R3HDM2: variants seen among roughly 807,000 people sequenced by gnomAD.
The protein encoded by R3HDM2 is R3H domain containing 2.
R3HDM2 carries 38 observed loss-of-function variants against 124.5 expected under a neutral mutation model. The observed-to-expected ratio is 0.31, with a 90% confidence interval of 0.24 to 0.40. The LOEUF (loss-of-function observed/expected upper bound fraction) is 0.40. R3HDM2 is among the 10% of genes least tolerant of loss of function. The probability of loss-of-function intolerance (pLI) is 1.00; values close to 1 mark genes in which losing one functional copy is unlikely to be tolerated. For missense variants in R3HDM2, 869 were observed against 1,236.9 expected (o/e 0.70, Z 4.46); for synonymous variants, 391 against 448.0 (o/e 0.87, Z 1.61).
In R3HDM2 at chr12:57,423,965, T is replaced by G. The variant is rs1424138788; in HGVS notation, c.-106+6755A>C. On this transcript the variant is annotated intron_variant, in intron 1 of 23. Transcript: ENST00000402412. ...ACCCATCTCTACTAAAAATACAAAA[T>G]TAGCCAGGTGTGGTGGCACATGCCT... is the stretch of plus-strand genomic sequence containing the variant. Among the ~76,000 whole-genome samples the G allele has an allele frequency of 5.4e-5, 8 of 148,208 alleles. 1 individual carries two copies. The Admixed American group carries it at 5.4e-4, about 10-fold the overall frequency.
chr12:57,256,423 C>A lies in R3HDM2; in HGVS notation c.2538G>T (p.Thr846=). The part of the protein sequence containing the change: ...PPLLHGQSTY[T]VHQGQSGLKH... ...TGGTGGACACCCTTACCTGGTGCAC[C>A]GTGTAAGTTGACTGGCCATGGAGCA... is the stretch of plus-strand genomic sequence containing the variant. Residue 846 remains threonine, a synonymous_variant, in exon 22 of 24, where the codon ACG becomes ACT. Transcript: ENST00000402412. The A allele has an allele frequency of 6.3e-7, 1 of 1,585,804 alleles. No homozygotes were observed. The highest frequency in any genetic ancestry group is 2.3e-5 in the East Asian group (1 of 43,718).
At chr12:57,386,473 C>T (rs189254071) in intron 2 of R3HDM2, among the ~76,000 whole-genome samples, 2 of 152,208 alleles carry the variant, frequency 1.3e-5, no homozygotes, top group South Asian at 2.1e-4. Flanking sequence ...CTGCTGTGCT[C>T]GACTTCTTGC....
rs1320688207 is a variant in R3HDM2 at position 57,265,055 on chromosome 12, C to CCTTTCACTGTTA, written c.2131+1675_2131+1676insTAACAGTGAAAG. 2.6e-4 allele frequency among the ~76,000 whole-genome samples: 40 copies of CCTTTCACTGTTA among 152,292 alleles called. 1 individual carries two copies. Among genetic ancestry groups the CCTTTCACTGTTA allele is most frequent in the African/African-American group, 9.4e-4 (39 of 41,556 alleles). ...TCTTGGCAAAGGCAGTGAAAGGCTG[C>CCTTTCACTGTTA]ATGGCATAAACTTATTAACTTGGAA... is the stretch of plus-strand genomic sequence containing the variant. On this transcript the variant is annotated intron_variant, in intron 19 of 23. Coordinates refer to ENST00000402412, the MANE Select transcript of R3HDM2 (RefSeq NM_001394031.1).
chr12:57,410,867 G>A (rs527327828), intron 1 of R3HDM2, among the ~76,000 whole-genome samples: 501 of 152,092 alleles, frequency 3.3e-3, no homozygotes, highest in Non-Finnish European at 5.4e-3. Flanking sequence ...TAAATAAAAA[G>A]AAATTCTATT....
chr12:57,353,656 C>T (rs967744010), intron 2 of R3HDM2, among the ~76,000 whole-genome samples: 3 of 151,960 alleles, frequency 2.0e-5, no homozygotes, highest in Non-Finnish European at 4.4e-5. Context: ...CTCCAGGATC[C>T]TCCCACCTCA....
At chr12:57,396,780 A>G (rs1217644006) in intron 1 of R3HDM2, among the ~76,000 whole-genome samples, 1 of 144,796 alleles carries the variant, frequency 6.9e-6, no homozygotes, top group African/African-American at 2.5e-5. Context: ...TCTGTCTCAA[A>G]AAAAAAAAAA....
intron 2 of R3HDM2, among the ~76,000 whole-genome samples, chr12:57,334,478 CTT>C (rs542776584): frequency 1.4e-5 from 2 of 145,840 alleles, no homozygotes; most frequent in Non-Finnish European, 1.5e-5. Flanking sequence ...TTTCCCTTGC[CTT>C]TTTTTTTTTG....
chr12:57,255,977 T>C lies in R3HDM2; in HGVS notation c.2632+13A>G. 1 of 1,608,944 alleles carries C rather than the reference T, an allele frequency of 6.2e-7. No homozygotes were observed. The highest frequency in any genetic ancestry group is 8.5e-7 in the Non-Finnish European group (1 of 1,177,116). Reference sequence around the variant, plus strand: ...GGCACCTTCTCTTGGGGATTCAGCATCCCGTGACTCACCAACATCTGCTGT... The same window carrying C: ...GGCACCTTCTCTTGGGGATTCAGCACCCCGTGACTCACCAACATCTGCTGT... On this transcript the variant is annotated intron_variant, in intron 23 of 23. Transcript: ENST00000402412.
At chr12:57,392,942 C>G (rs1434391215) in intron 2 of R3HDM2, among the ~76,000 whole-genome samples, 2 of 151,042 alleles carry the variant, frequency 1.3e-5, no homozygotes, top group South Asian at 2.1e-4. Flanking sequence ...GTAGCTGGGA[C>G]TACAGGCACC....
chr12:57,260,264 A>C (rs1213433125), intron 19 of R3HDM2, among the ~76,000 whole-genome samples: 1 of 53,684 alleles, frequency 1.9e-5, no homozygotes, highest in African/African-American at 7.3e-5. Flanking sequence ...ACCCTGCCTC[A>C]AAAAAAAAAA....
At chr12:57,422,412 C>T (rs569461376) in intron 1 of R3HDM2, among the ~76,000 whole-genome samples, 21 of 152,310 alleles carry the variant, frequency 1.4e-4, no homozygotes, top group Admixed American at 1.2e-3. Flanking sequence ...AGCCTCATCC[C>T]ATTCCGTGCA....
intron 1 of R3HDM2, among the ~76,000 whole-genome samples, chr12:57,410,268 C>A (rs1433030513): frequency 2.1e-5 from 3 of 140,068 alleles, no homozygotes; most frequent in Non-Finnish European, 4.5e-5. Flanking sequence ...GCTCTACCAA[C>A]TATTAATACA....
chr12:57,391,035 G>GA (rs1301446141), intron 2 of R3HDM2, among the ~76,000 whole-genome samples: 2 of 149,984 alleles, frequency 1.3e-5, no homozygotes, highest in African/African-American at 2.4e-5. Context: ...AAAAAAGAAA[G>GA]AAAGAAAAGA....
At chr12:57,426,163 G>C (rs966358237) in intron 1 of R3HDM2, among the ~76,000 whole-genome samples, 1 of 152,168 alleles carries the variant, frequency 6.6e-6, no homozygotes, top group Non-Finnish European at 1.5e-5. Flanking sequence ...AGGAGGCAGA[G>C]GTTGCAGTGA....
At chr12:57,279,815 AAGG>A (rs2045731132) in intron 14 of R3HDM2, among the ~76,000 whole-genome samples, 1 of 152,050 alleles carries the variant, frequency 6.6e-6, no homozygotes, top group South Asian at 2.1e-4. Flanking sequence ...CCAGCAACAG[AAGG>A]AGAAGGATAC....
In R3HDM2 at chr12:57,268,306, G is replaced by A. The variant is rs772376473; in HGVS notation, c.2027C>T (p.Thr676Met). 22 of 1,613,390 alleles carry A rather than the reference G, an allele frequency of 1.4e-5. No individual in the cohort carries two copies. The highest frequency in any genetic ancestry group is 9.9e-5 in the South Asian group (9 of 91,038). ...SMIPPAQQNG[T>M]SPSVGFLQPP... ...CTGGCTCTCTGGGAGTCCTCACCTC[G>A]TACCGTTCTGCTGAGCAGGTGGGAT... The change falls in exon 18 of 24, where the codon ACG becomes ATG. Residue 676 changes from threonine (T) to methionine (M), a missense_variant. Around this residue, in one of 2 missense-constraint regions of R3HDM2, gnomAD observed 602 missense variants for 789.2 expected, o/e 0.76. Transcript: ENST00000402412.
At chr12:57,382,613 G>A (rs937868787) in intron 2 of R3HDM2, among the ~76,000 whole-genome samples, 3 of 149,422 alleles carry the variant, frequency 2.0e-5, no homozygotes, top group Non-Finnish European at 3.0e-5. Flanking sequence ...GAGGAGGGCC[G>A]ATCACCAGGT....
Position 57,317,988 on chromosome 12 carries a change from C to CAAAAA in R3HDM2, c.-35-7530_-35-7526dup, listed in dbSNP as rs769547852. On this transcript the variant is annotated intron_variant, in intron 2 of 23. Coordinates refer to ENST00000402412, the MANE Select transcript of R3HDM2 (RefSeq NM_001394031.1). ...GAGCGAGACTCCGTCCCCGCCCCCC[C>CAAAAA]AAAAAAAAAAAAAAGGAATGGCTGG... Among the ~76,000 whole-genome samples, 4 of 144,586 alleles carry CAAAAA rather than the reference C, an allele frequency of 2.8e-5. 1 individual carries two copies. Among genetic ancestry groups the CAAAAA allele is most frequent in the Non-Finnish European group, 6.0e-5 (4 of 66,612 alleles). 94.9% of individuals were successfully genotyped at this position (144,586 alleles called of 152,430 possible).
chr12:57,364,893 C>T (rs1385217150), intron 2 of R3HDM2, among the ~76,000 whole-genome samples: 1 of 143,872 alleles, frequency 7.0e-6, no homozygotes, highest in Non-Finnish European at 1.5e-5. Context: ...GCAGAGGTTG[C>T]AGCGAGCCGA....
Sources: allele counts gnomAD v4.1 joint callset (sites outside exome capture counted in the v4.1 genomes callset), GRCh38; gene constraint gnomAD v4.1.1; regional missense constraint gnomAD v4.1.1; transcripts MANE v1.5; gene names NCBI Gene and HGNC (gene_info 2026-07-23, HGNC 2026-07-21).